Variants in VWA3B observed in about 807,000 individuals in gnomAD.
VWA3B encodes von Willebrand factor A domain containing 3B, also known as von Willebrand factor A domain-containing protein 3B.
VWA3B carries 138 observed loss-of-function variants against 158.3 expected under a neutral mutation model. The observed-to-expected ratio is 0.87, with a 90% CI of 0.76 to 1.00. The LOEUF is 1.00. Ranked by LOEUF, VWA3B falls within the 50% of genes least tolerant of loss-of-function variation. The pLI, the probability that VWA3B is intolerant of heterozygous loss-of-function variation, is 0.00. For missense variants in VWA3B, 1,555 were observed against 1,565.1 expected (o/e 0.99, Z 0.11); for synonymous variants, 596 against 587.3 (o/e 1.01, Z -0.21).
At chr2:98,148,984 G>A (rs1233425591) in intron 7 of VWA3B, among the ~76,000 whole-genome samples, 1 of 152,160 alleles carries the variant, frequency 6.6e-6, no homozygotes, top group East Asian at 1.9e-4. Flanking sequence ...TAAGGGGAGT[G>A]CACATGTGTG....
At chr2:98,204,073 A>G (rs1682806114) in intron 12 of VWA3B, among the ~76,000 whole-genome samples, 1 of 152,248 alleles carries the variant, frequency 6.6e-6, no homozygotes, top group Non-Finnish European at 1.5e-5. Flanking sequence ...GCCATTTTAT[A>G]CGATACTTGA....
chr2:98,201,429 T>C (rs1021315643), intron 12 of VWA3B, among the ~76,000 whole-genome samples: 2 of 152,218 alleles, frequency 1.3e-5, no homozygotes, highest in African/African-American at 4.8e-5. Context: ...CATGTATGAA[T>C]AGAGATGATT....
chr2:98,315,089 A>T (rs544484753), downstream of VWA3B, among the ~76,000 whole-genome samples: 33 of 152,320 alleles, frequency 2.2e-4, 1 homozygote, highest in South Asian at 6.6e-3. Flanking sequence ...TATATGAAAG[A>T]CTTTCTTTTC....
intron 22 of VWA3B, among the ~76,000 whole-genome samples, chr2:98,281,239 C>A (rs1688862201): frequency 6.6e-6 from 1 of 152,116 alleles, no homozygotes. Flanking sequence ...TCAGGTTAGC[C>A]CTGTCCTGTT....
rs1027655908 is a variant in VWA3B, at chr2:98,210,229, G to A, written c.1738-1701G>A. Among the ~76,000 whole-genome samples the A allele has an allele frequency of 5.3e-5, 8 of 152,222 alleles. No homozygotes were observed. In the South Asian group the frequency reaches 1.0e-3, roughly 20 times the overall value. On this transcript the variant is annotated intron_variant, in intron 12 of 27. Coordinates refer to ENST00000477737, the MANE Select transcript of VWA3B (RefSeq NM_144992.5). ...CCTGAACAAGAAAGGAGTCTGGAGC[G>A]TGCAGCATCCTTCTGTGGTTTCCTG... is the stretch of plus-strand genomic sequence containing the variant.
chr2:98,245,697 A>T, intron 19 of VWA3B: 2 of 421,480 alleles, frequency 4.7e-6, no homozygotes, highest in Non-Finnish European at 9.7e-6. Flanking sequence ...AGTGGTATTG[A>T]TTCACAATTG....
chr2:98,300,273 C>T, intron 25 of VWA3B, 57 bp downstream of exon 25: 2 of 1,602,656 alleles, frequency 1.2e-6, no homozygotes, highest in Non-Finnish European at 1.7e-6. Flanking sequence ...AGGCTGTATC[C>T]TGGCACTGCC....
chr2:98,271,836 A>T (rs1282476539), intron 22 of VWA3B, among the ~76,000 whole-genome samples: 2 of 152,338 alleles, frequency 1.3e-5, no homozygotes, highest in Admixed American at 1.3e-4. Flanking sequence ...CTCTGACTAT[A>T]CATGGGTGTG....
chr2:98,287,146 GGATTTCCTTTTTCCATTTATTAA>G (rs1689215310), intron 22 of VWA3B, among the ~76,000 whole-genome samples: 1 of 152,054 alleles, frequency 6.6e-6, no homozygotes, highest in Non-Finnish European at 1.5e-5. Context: ...CTGAGTGTTA[GGATTTCCTTTTTCCATTTATTAA>G]GCTAGAACTC....
At chr2:98,248,869 T>TTC (rs1274149969) in intron 19 of VWA3B, among the ~76,000 whole-genome samples, 1 of 32,168 alleles carries the variant, frequency 3.1e-5, no homozygotes, top group South Asian at 9.0e-4. Flanking sequence ...CTTTCTTTCT[T>TTC]TCTTTCTTTC....
At chr2:98,268,785 T>G (rs1018739463) in intron 21 of VWA3B, among the ~76,000 whole-genome samples, 1 of 152,114 alleles carries the variant, frequency 6.6e-6, no homozygotes, top group African/African-American at 2.4e-5. Flanking sequence ...ATGAGACTCT[T>G]AAACATACAA....
intron 9 of VWA3B, among the ~76,000 whole-genome samples, chr2:98,185,773 G>A (rs749937885): frequency 5.3e-5 from 8 of 152,128 alleles, no homozygotes; most frequent in Non-Finnish European, 1.2e-4. Flanking sequence ...CTCTCCACTC[G>A]TTTATTCACT....
chr2:98,144,768 T>C (rs1677044706), intron 7 of VWA3B, among the ~76,000 whole-genome samples: 1 of 152,126 alleles, frequency 6.6e-6, no homozygotes, highest in Non-Finnish European at 1.5e-5. Context: ...GGTTTTGCCA[T>C]GTTGACTAGT....
intron 22 of VWA3B, among the ~76,000 whole-genome samples, chr2:98,289,186 T>C (rs994688954): frequency 6.6e-6 from 1 of 152,198 alleles, no homozygotes. Context: ...GTTTGAATCA[T>C]TATTTTTGCA....
chr2:98,136,626 G>A (rs1030615357), intron 7 of VWA3B, among the ~76,000 whole-genome samples: 1 of 150,654 alleles, frequency 6.6e-6, no homozygotes, highest in Non-Finnish European at 1.5e-5. Context: ...AGGCAAACTG[G>A]ACACTCCCTT....
chr2:98,245,428 A>G, intron 19 of VWA3B: 1 of 396,552 alleles, frequency 2.5e-6, no homozygotes, highest in Non-Finnish European at 5.0e-6. Flanking sequence ...CGCAGCCACC[A>G]TGTTGTAAAA....
intron 8 of VWA3B, among the ~76,000 whole-genome samples, chr2:98,165,473 C>T (rs77273169): frequency 0.023 from 3,508 of 152,156 alleles, 139 homozygotes; most frequent in African/African-American, 0.079. Context: ...CCGGGTGATC[C>T]TAGTGTGCAG....
rs776648044 is a variant in VWA3B at position 98,270,761 on chromosome 2, A to G, written c.2923A>G (p.Ile975Val). The G allele has an allele frequency of 1.5e-5, 24 of 1,614,080 alleles. No homozygotes were observed. Among genetic ancestry groups the G allele is most frequent in the Non-Finnish European group, 1.8e-5 (21 of 1,180,014 alleles). Residue 975 changes from isoleucine to valine, a missense_variant, in exon 22 of 28, where the codon ATT becomes GTT. Coordinates refer to ENST00000477737, the MANE Select transcript of VWA3B (RefSeq NM_144992.5). Reference protein sequence around the residue: ...NQALERLNWPISLKELSMLES... With the variant: ...NQALERLNWPVSLKELSMLES... ...GGCTTTAGAACGGTTGAATTGGCCCATTTCACTGAAAGAGCTGTCGATGCT... is the reference window on the plus strand; with the variant it reads ...GGCTTTAGAACGGTTGAATTGGCCCGTTTCACTGAAAGAGCTGTCGATGCT...
intron 2 of VWA3B, among the ~76,000 whole-genome samples, chr2:98,094,587 G>C (rs905577485): frequency 1.4e-4 from 21 of 152,078 alleles, no homozygotes; most frequent in Middle Eastern, 3.4e-3. Context: ...TCTTTACTCT[G>C]TTGATTTTTT....
Sources: allele counts gnomAD v4.1 joint callset (sites outside exome capture counted in the v4.1 genomes callset), GRCh38; gene constraint gnomAD v4.1.1; transcripts MANE v1.5; gene names NCBI Gene and HGNC (gene_info 2026-07-23, HGNC 2026-07-21).